The following BCOR variants were observed in gnomAD, a reference collection of about 807,000 sequenced individuals.
BCOR encodes BCL-6 corepressor.
In BCOR, 10 loss-of-function variants were observed where a neutral mutation model predicts 86.7. The ratio of observed to expected loss-of-function variants is 0.12; its 90% CI spans 0.07 to 0.20. The LOEUF is 0.20. BCOR is among the 10% of genes least tolerant of loss of function. The pLI, the probability that BCOR is intolerant of heterozygous loss-of-function variation, is 1.00. For missense variants in BCOR, 1,259 were observed against 1,452.1 expected, an observed-to-expected ratio of 0.87 and a Z score of 2.16; for synonymous variants, 611 against 609.0, an observed-to-expected ratio of 1.00 and a Z score of -0.05.
intron 1 of BCOR, among the ~76,000 whole-genome samples, chrX:40,131,542 G>T (rs1453566816): frequency 8.9e-6 from 1 of 112,034 alleles, no homozygotes; most frequent in East Asian, 2.8e-4. Context: ...AGCTACTCAG[G>T]AGGCTGAGGC....
At chrX:40,148,427 C>T (rs1365052507) in intron 1 of BCOR, among the ~76,000 whole-genome samples, 3 of 111,274 alleles carry the variant, frequency 2.7e-5, no homozygotes, top group Non-Finnish European at 5.7e-5. Flanking sequence ...CAGTCGTTCT[C>T]ACCCTTCCTT....
At chrX:40,167,482 A>G (rs1377138088) in intron 1 of BCOR, among the ~76,000 whole-genome samples, 1 of 112,753 alleles carries the variant, frequency 8.9e-6, no homozygotes, top group Non-Finnish European at 1.9e-5. Context: ...CCGCGGTTCT[A>G]GAAACGAAAA....
At chrX:40,071,930 G>A in intron 4 of BCOR, 1 of 386,761 alleles carries the variant, frequency 2.6e-6, no homozygotes, top group African/African-American at 2.6e-5. Context: ...TCTTTTTGGT[G>A]AAAAATTTGC....
At chrX:40,101,156 G>A (rs1937066132), upstream of BCOR, among the ~76,000 whole-genome samples, 3 of 110,857 alleles carry the variant, frequency 2.7e-5, no homozygotes, top group African/African-American at 9.8e-5. Flanking sequence ...GAAAGCTGTC[G>A]AAGGGCAATC....
At chrX:40,158,127 C>A (rs1938333801) in intron 1 of BCOR, among the ~76,000 whole-genome samples, 2 of 112,457 alleles carry the variant, frequency 1.8e-5, no homozygotes, top group African/African-American at 3.2e-5. Flanking sequence ...AGGCGGCCAT[C>A]CTCCTGGCCG....
chrX:40,150,440 T>C (rs1379967557), intron 1 of BCOR, among the ~76,000 whole-genome samples: 1 of 112,614 alleles, frequency 8.9e-6, no homozygotes, highest in Non-Finnish European at 1.9e-5. Flanking sequence ...TTGGAAATCT[T>C]GCTCTAGTTA....
rs186593217 is a variant in BCOR, at chrX:40,068,943, G to A, written c.3238+2030C>T. On this transcript the variant is annotated intron_variant, in intron 6 of 14. Transcript: ENST00000378444. The stretch of plus-strand genomic sequence containing the variant: ...CATCTCAGAAGCTACTGGTGCTGTA[G>A]GAGTGGAGGGGAGAGGCTTCGGGGA... Among the ~76,000 whole-genome samples the A allele has an allele frequency of 1.1e-4, 13 of 113,143 alleles. No individual in the cohort carries two copies. In the East Asian group the frequency reaches 3.3e-3, roughly 29 times the overall value.
upstream of BCOR, among the ~76,000 whole-genome samples, chrX:40,098,625 G>C (rs1189627776): frequency 1.8e-5 from 2 of 112,014 alleles, no homozygotes; most frequent in African/African-American, 6.5e-5. Flanking sequence ...GCCGCCTCTT[G>C]CCACCAGCGC....
intron 8 of BCOR, 117 bp from the exon 9 acceptor site, chrX:40,063,188 A>G: frequency 2.0e-6 from 1 of 511,369 alleles, no homozygotes; most frequent in South Asian, 3.5e-5. Context: ...TGATCACTGG[A>G]GCGGCTTCAG....
chrX:40,075,998 C>A (rs1400893460), intron 3 of BCOR, among the ~76,000 whole-genome samples: 2 of 111,346 alleles, frequency 1.8e-5, no homozygotes, highest in Non-Finnish European at 3.8e-5. Flanking sequence ...TTCGATGGGA[C>A]AACAGGAACA....
chrX:40,110,356 A>G (rs1223224479), intron 1 of BCOR, among the ~76,000 whole-genome samples: 3 of 111,845 alleles, frequency 2.7e-5, no homozygotes, highest in Non-Finnish European at 5.6e-5. Context: ...TTGATTAAAT[A>G]TACAATTTAC....
At chrX:40,069,201 A>G (rs888060849) in intron 6 of BCOR, among the ~76,000 whole-genome samples, 1 of 112,499 alleles carries the variant, frequency 8.9e-6, no homozygotes, top group Admixed American at 9.3e-5. Context: ...GATCAACCAC[A>G]AACCTATGGT....
chrX:40,076,320 C>T, intron 3 of BCOR, 134 bp downstream of exon 3: 2 of 503,947 alleles, frequency 4.0e-6, no homozygotes, highest in South Asian at 2.5e-5. Context: ...CTCGCAGAGG[C>T]CTCCAACTCA....
At chrX:40,064,683 C>A in intron 6 of BCOR, 84 bp from the exon 7 acceptor site, 1 of 1,074,793 alleles carries the variant, frequency 9.3e-7, no homozygotes, top group South Asian at 2.0e-5. Flanking sequence ...GTGGGACCAC[C>A]ATGCCCAAGG....
chrX:40,092,471 A>G (rs926079667), intron 1 of BCOR, among the ~76,000 whole-genome samples: 1 of 110,932 alleles, frequency 9.0e-6, no homozygotes, highest in Non-Finnish European at 1.9e-5. Context: ...AGGAAAAAAA[A>G]AAAAGAAAAG....
intron 3 of BCOR, among the ~76,000 whole-genome samples, 163 bp from the exon 4 acceptor site, chrX:40,075,343 CCCCCTTATCCAAA>C (rs1251103171): frequency 2.7e-5 from 3 of 111,078 alleles, no homozygotes; most frequent in African/African-American, 9.8e-5. Flanking sequence ...TGTTTCCCCA[CCCCCTTATCCAAA>C]CCCCTTTGCT....
chrX:40,072,826 G>C lies in BCOR; in HGVS notation c.2520C>G (p.Pro840=), dbSNP rs781016038. 1 of 1,209,892 alleles carries C rather than the reference G, an allele frequency of 8.3e-7. No individual in the cohort carries two copies. Among genetic ancestry groups the C allele is most frequent in the East Asian group, 3.0e-5 (1 of 33,765 alleles). The change falls in exon 4 of 15, where the codon CCC becomes CCG. Residue 840 remains proline, a synonymous_variant. Transcript: ENST00000378444. Reference sequence around the variant, plus strand: ...GCTGCTGCAGGGCCGGCTCAACTGAGGGCTTGGGGGGCTCAGCGCTCTGGC... The same window carrying C: ...GCTGCTGCAGGGCCGGCTCAACTGACGGCTTGGGGGGCTCAGCGCTCTGGC... The part of the protein sequence containing the change: ...SVGQSAEPPK[P]SVEPALQQHR...
chrX:40,052,017 T>C lies in BCOR; in HGVS notation c.*92A>G. ...AAAGAAGAGATATTTTCATATGTAA[T>C]AGTGTCCTTTCTTTACAGAAATAGT... On this transcript the variant is annotated 3_prime_UTR_variant, in exon 15 of 15. Transcript: ENST00000378444. 2 of 817,138 alleles carry C rather than the reference T, an allele frequency of 2.4e-6. No individual in the cohort carries two copies. The highest frequency in any genetic ancestry group is 3.4e-6 in the Non-Finnish European group (2 of 595,442). The allele number at this position is 817,138 out of a possible 1,213,427, so 67.3% of individuals were successfully genotyped here.
At chrX:40,102,212 G>T (rs926169208), upstream of BCOR, among the ~76,000 whole-genome samples, 1 of 112,948 alleles carries the variant, frequency 8.9e-6, no homozygotes, top group Non-Finnish European at 1.9e-5. Context: ...GGGTTATTGG[G>T]TGTTTGGGGA....
Sources: allele counts gnomAD v4.1 joint callset (sites outside exome capture counted in the v4.1 genomes callset), GRCh38; gene constraint gnomAD v4.1.1; transcripts MANE v1.5; gene names NCBI Gene and HGNC (gene_info 2026-07-23, HGNC 2026-07-21).